BMAL2: variants seen among roughly 807,000 people sequenced by gnomAD.
BMAL2 encodes basic helix-loop-helix ARNT like 2.
chr12:27,368,538 T>A, the BMAL2 span: 6 of 1,168,824 alleles, frequency 5.1e-6, no homozygotes, highest in Non-Finnish European at 6.0e-6. Flanking sequence ...AGAGTACTTA[T>A]CCACCCATCT....
At chr12:27,387,133 A>C in the BMAL2 span, 1 of 807,362 alleles carries the variant, frequency 1.2e-6, no homozygotes. Context: ...TTATTGCCAC[A>C]GTAATTTCCT....
At chr12:27,386,507 G>T in the BMAL2 span, among the ~76,000 whole-genome samples, 2 of 152,136 alleles carry the variant, frequency 1.3e-5, no homozygotes, top group South Asian at 4.1e-4. Flanking sequence ...CTATAACAAG[G>T]TGTACAGTAT....
chr12:27,333,001 G>A, the BMAL2 span: 6 of 1,135,172 alleles, frequency 5.3e-6, no homozygotes, highest in Admixed American at 1.4e-4. Context: ...GCCTGGGCCG[G>A]GGCAGGGCGG....
chr12:27,408,148 G>A, the BMAL2 span, among the ~76,000 whole-genome samples: 3 of 152,020 alleles, frequency 2.0e-5, no homozygotes, highest in Admixed American at 6.5e-5. Flanking sequence ...ATTCACAGCC[G>A]AATTCTACCA....
At chr12:27,360,793 G>T in the BMAL2 span, among the ~76,000 whole-genome samples, 1 of 32,484 alleles carries the variant, frequency 3.1e-5, no homozygotes, top group Non-Finnish European at 5.9e-5. Context: ...GTTATGTTAA[G>T]TGATTTGTCC....
the BMAL2 span, among the ~76,000 whole-genome samples, chr12:27,384,769 G>A: frequency 3.3e-5 from 5 of 152,108 alleles, no homozygotes; most frequent in African/African-American, 1.2e-4. Context: ...TATATGTTCT[G>A]TCTTTGGCTC....
chr12:27,390,260 G>A, the BMAL2 span: 3 of 1,609,466 alleles, frequency 1.9e-6, no homozygotes. Flanking sequence ...GAAATGTCAA[G>A]TGATGCAAAG....
the BMAL2 span, among the ~76,000 whole-genome samples, chr12:27,413,504 C>G: frequency 6.6e-6 from 1 of 151,826 alleles, no homozygotes; most frequent in African/African-American, 2.4e-5. Flanking sequence ...CAAATAAGTT[C>G]TTTTTCCAAG....
the BMAL2 span, among the ~76,000 whole-genome samples, chr12:27,339,684 G>A: frequency 5.1e-4 from 78 of 151,684 alleles, no homozygotes; most frequent in African/African-American, 1.8e-3. Flanking sequence ...GAGTGCAGTG[G>A]TGCGATCTCT....
chr12:27,376,316 A>G, the BMAL2 span: 15 of 1,594,862 alleles, frequency 9.4e-6, no homozygotes, highest in South Asian at 3.3e-5. Context: ...TACTTCATGT[A>G]GTTTGATATT....
the BMAL2 span, among the ~76,000 whole-genome samples, chr12:27,406,400 A>C: frequency 6.6e-6 from 1 of 152,382 alleles, no homozygotes; most frequent in East Asian, 1.9e-4. Context: ...ATCTCTCAGC[A>C]GAAACTCTAC....
the BMAL2 span, chr12:27,389,381 GCTAA>G: frequency 3.8e-5 from 31 of 807,156 alleles, no homozygotes; most frequent in African/African-American, 4.1e-4. Flanking sequence ...TTTTAAAACA[GCTAA>G]CTAAGCTTTT....
the BMAL2 span, among the ~76,000 whole-genome samples, chr12:27,363,406 C>T: frequency 5.9e-5 from 9 of 152,146 alleles, no homozygotes; most frequent in African/African-American, 1.9e-4. Context: ...AAATGGTTTC[C>T]AAAGTGGCTG....
chr12:27,387,004 C>A, the BMAL2 span, among the ~76,000 whole-genome samples: 1 of 152,172 alleles, frequency 6.6e-6, no homozygotes, highest in African/African-American at 2.4e-5. Flanking sequence ...CCAAACTTTT[C>A]ATGTCCAAAA....
chr12:27,402,655 T>C, the BMAL2 span: 1 of 1,612,494 alleles, frequency 6.2e-7, no homozygotes, highest in Non-Finnish European at 8.5e-7. Flanking sequence ...CATTTTTACC[T>C]TGTAGCTCTC....
chr12:27,385,590 G>A, the BMAL2 span: 32 of 1,455,796 alleles, frequency 2.2e-5, no homozygotes, highest in African/African-American at 1.8e-4. Flanking sequence ...TCTAAGTTGT[G>A]TATGTGCTTT....
the BMAL2 span, chr12:27,385,386 G>A: frequency 1.5e-6 from 1 of 687,802 alleles, no homozygotes; most frequent in Non-Finnish European, 2.5e-6. Flanking sequence ...ATGTGCCAAA[G>A]AGCAAATACC....
chr12:27,346,623 T>G, the BMAL2 span, among the ~76,000 whole-genome samples: 5 of 152,350 alleles, frequency 3.3e-5, 1 homozygote, highest in Non-Finnish European at 1.5e-5. Flanking sequence ...TTTTCCTATG[T>G]GGCTGTTGTC....
chr12:27,400,439 A>G, the BMAL2 span: 10 of 1,072,122 alleles, frequency 9.3e-6, 1 homozygote, highest in African/African-American at 8.0e-5. Context: ...AGAGCATTTT[A>G]TAGCACAATT....
Sources: allele counts gnomAD v4.1 joint callset (sites outside exome capture counted in the v4.1 genomes callset), GRCh38; gene constraint gnomAD v4.1.1; transcripts MANE v1.5; gene names NCBI Gene and HGNC (gene_info 2026-07-23, HGNC 2026-07-21).